Variants in DNER observed in about 807,000 individuals in gnomAD.
DNER encodes the protein delta and Notch-like epidermal growth factor-related receptor.
Under a neutral mutation model 78.2 loss-of-function variants are expected in DNER, and 33 were observed. The observed-to-expected ratio is 0.42, with a 90% CI of 0.32 to 0.56. DNER has a LOEUF of 0.56. Among genes scored for constraint, DNER ranks in the 20% least tolerant of loss-of-function variants. The pLI is 0.11. For synonymous variants in DNER, 417 were observed against 384.8 expected, an observed-to-expected ratio of 1.08 and a Z score of -0.98; for missense variants, 918 against 975.3, an observed-to-expected ratio of 0.94 and a Z score of 0.78.
intron 5 of DNER, among the ~76,000 whole-genome samples, chr2:229,522,017 T>C (rs1696109039): frequency 6.6e-6 from 1 of 152,088 alleles, no homozygotes; most frequent in Non-Finnish European, 1.5e-5. Flanking sequence ...ATGTTGTAGC[T>C]TATTATAAAA....
intron 7 of DNER, among the ~76,000 whole-genome samples, chr2:229,453,459 G>A (rs1174391062): frequency 6.6e-6 from 1 of 152,188 alleles, no homozygotes; most frequent in Non-Finnish European, 1.5e-5. Flanking sequence ...GAACTAGACT[G>A]TTGACTGGGA....
chr2:229,561,934 C>T (rs907470851), intron 4 of DNER, among the ~76,000 whole-genome samples: 3 of 152,062 alleles, frequency 2.0e-5, no homozygotes, highest in East Asian at 3.9e-4. Context: ...TTACAAGGAC[C>T]GAGCACGCGC....
At chr2:229,636,112 C>T (rs1256755554) in intron 1 of DNER, among the ~76,000 whole-genome samples, 1 of 152,158 alleles carries the variant, frequency 6.6e-6, no homozygotes, top group African/African-American at 2.4e-5. Context: ...CACCGTAACT[C>T]CTCCAAGGCA....
chr2:229,389,099 T>C (rs1209324944), intron 10 of DNER, among the ~76,000 whole-genome samples: 1 of 152,034 alleles, frequency 6.6e-6, no homozygotes, highest in Non-Finnish European at 1.5e-5. Context: ...GGGGTTAGTC[T>C]AAACCTGACC....
chr2:229,586,642 A>G (rs1010068234), intron 3 of DNER: 6 of 982,632 alleles, frequency 6.1e-6, no homozygotes, highest in African/African-American at 1.8e-5. Flanking sequence ...TTTTCTCCTC[A>G]CAGCCCAATG....
intron 10 of DNER, among the ~76,000 whole-genome samples, chr2:229,392,938 C>T (rs1693047291): frequency 1.3e-5 from 2 of 152,056 alleles, no homozygotes; most frequent in Non-Finnish European, 2.9e-5. Context: ...AGTAGGCTCA[C>T]GTGACCCATA....
intron 1 of DNER, 86 bp downstream of exon 1, chr2:229,714,062 T>C (rs895416665): frequency 1.7e-5 from 20 of 1,182,042 alleles, no homozygotes; most frequent in South Asian, 3.4e-5. Context: ...GGCGTGCCCA[T>C]TGTCGGGCAG....
At chr2:229,371,569 G>T (rs1224202876) in intron 11 of DNER, among the ~76,000 whole-genome samples, 1 of 152,208 alleles carries the variant, frequency 6.6e-6, no homozygotes, top group Non-Finnish European at 1.5e-5. Context: ...AAGCATTTCA[G>T]TTGGCCCTAA....
chr2:229,479,820 T>A (rs942598780), intron 6 of DNER, among the ~76,000 whole-genome samples: 4 of 152,310 alleles, frequency 2.6e-5, no homozygotes, highest in East Asian at 1.9e-4. Flanking sequence ...AGAATTATTT[T>A]TTCAAATCCC....
At chr2:229,407,007 G>T (rs998752773) in intron 10 of DNER, among the ~76,000 whole-genome samples, 1 of 152,144 alleles carries the variant, frequency 6.6e-6, no homozygotes, top group Non-Finnish European at 1.5e-5. Context: ...GATAGTCTTT[G>T]TAAGTCTAGA....
rs1698039765 is a variant in DNER at position 229,611,213 on chromosome 2, T to C, written c.277-19325A>G. Among the ~76,000 whole-genome samples the C allele has an allele frequency of 2.0e-5, 3 of 152,348 alleles. No individual in the cohort carries two copies. In the South Asian group the frequency reaches 6.2e-4, roughly 32 times the overall value. On this transcript the variant is annotated intron_variant, in intron 1 of 12. Transcript: ENST00000341772. The stretch of plus-strand genomic sequence containing the variant: ...AAATGTATTTTTTTCTTTCAATTTA[T>C]GTGTTATTTTTTTCAAACAGCTACG...
chr2:229,546,756 T>C (rs1696632327), intron 5 of DNER, among the ~76,000 whole-genome samples, 191 bp downstream of exon 5: 1 of 151,826 alleles, frequency 6.6e-6, no homozygotes, highest in South Asian at 2.1e-4. Flanking sequence ...AGAATGTATA[T>C]ATCAACTTGG....
At chr2:229,677,670 G>T (rs561836129) in intron 1 of DNER, among the ~76,000 whole-genome samples, 3 of 152,130 alleles carry the variant, frequency 2.0e-5, no homozygotes, top group African/African-American at 4.8e-5. Flanking sequence ...CAAAGAAAAG[G>T]TTCTATGAAG....
intron 10 of DNER, among the ~76,000 whole-genome samples, chr2:229,406,599 C>T (rs1364235285): frequency 6.6e-6 from 1 of 152,170 alleles, no homozygotes; most frequent in Non-Finnish European, 1.5e-5. Context: ...TGAGAGGCTA[C>T]GCTCAGCACA....
At chr2:229,700,177 G>A (rs777653752) in intron 1 of DNER, among the ~76,000 whole-genome samples, 13 of 151,876 alleles carry the variant, frequency 8.6e-5, no homozygotes, top group Non-Finnish European at 1.8e-4. Flanking sequence ...GGGCTAGTAG[G>A]CATTCTCATA....
chr2:229,418,446 C>T lies in DNER; in HGVS notation c.1487-216G>A, dbSNP rs540016750. ...GTTCTTATCACACTTTTTCATGATC[C>T]CAAGTATAAAAGAAGTGATTCCATT... On this transcript the variant is annotated intron_variant, in intron 8 of 12. Coordinates refer to ENST00000341772, the MANE Select transcript of DNER (RefSeq NM_139072.4). 5.9e-5 allele frequency among the ~76,000 whole-genome samples: 9 copies of T among 152,192 alleles called. No homozygotes were observed. In the East Asian group the frequency reaches 1.7e-3, roughly 29 times the overall value.
intron 7 of DNER, 84 bp from the exon 8 acceptor site, chr2:229,447,624 A>C: frequency 3.7e-6 from 5 of 1,345,038 alleles, no homozygotes; most frequent in East Asian, 2.5e-5. Context: ...TCCACTGTAT[A>C]TGCATAACAA....
At chr2:229,662,350 A>C (rs939260013) in intron 1 of DNER, among the ~76,000 whole-genome samples, 8 of 152,222 alleles carry the variant, frequency 5.3e-5, no homozygotes, top group Admixed American at 3.9e-4. Context: ...ACCTAAGGAA[A>C]AAGATAACTC....
intron 8 of DNER, among the ~76,000 whole-genome samples, chr2:229,446,083 T>A (rs147196141): frequency 6.6e-6 from 1 of 152,336 alleles, no homozygotes; most frequent in African/African-American, 2.4e-5. Context: ...GGCATTCGAA[T>A]CTGGGCTCAG....
Sources: gnomAD v4.1 joint callset for allele counts (sites outside exome capture counted in the v4.1 genomes callset) on GRCh38, gnomAD v4.1.1 for gene constraint, MANE v1.5 for transcripts, NCBI Gene and HGNC (gene_info 2026-07-23, HGNC 2026-07-21) for gene names.